GPR153: variants seen among roughly 807,000 people sequenced by gnomAD.
The protein encoded by GPR153 is G protein-coupled receptor 153.
Under a neutral mutation model 34.1 loss-of-function variants are expected in GPR153, and 27 were observed. The ratio of observed to expected loss-of-function variants is 0.79; its 90% CI spans 0.58 to 1.09. GPR153 has a LOEUF of 1.09. GPR153 is among the 50% of genes least tolerant of loss of function. GPR153 has a pLI of 0.00. For synonymous variants in GPR153, 408 were observed against 405.4 expected (o/e 1.01, Z -0.08); for missense variants, 848 against 860.2 (o/e 0.99, Z 0.18).
At chr1:6,259,330 C>T (rs1236923502) in intron 1 of GPR153, among the ~76,000 whole-genome samples, 1 of 152,154 alleles carries the variant, frequency 6.6e-6, no homozygotes, top group Non-Finnish European at 1.5e-5. Flanking sequence ...CATGCTCCTC[C>T]AGTGAGTGCC....
chr1:6,255,573 C>T (rs1399300667), intron 1 of GPR153, among the ~76,000 whole-genome samples: 1 of 148,218 alleles, frequency 6.7e-6, no homozygotes, highest in African/African-American at 2.5e-5. Flanking sequence ...CTCCTGGGCT[C>T]AAGGGATCCT....
chr1:6,254,458 G>A, intron 2 of GPR153, 92 bp downstream of exon 2: 1 of 1,172,006 alleles, frequency 8.5e-7, no homozygotes, highest in Non-Finnish European at 1.2e-6. Flanking sequence ...CCACAGGTGT[G>A]GCCACTCCTG....
intron 2 of GPR153, 114 bp downstream of exon 2, chr1:6,254,436 C>T: frequency 9.9e-7 from 1 of 1,009,216 alleles, no homozygotes; most frequent in Non-Finnish European, 1.5e-6. Context: ...GCCTGCCTGC[C>T]CTCCCAGCAT....
In GPR153 at chr1:6,249,969, G is replaced by A. The variant is rs1399772150; in HGVS notation, c.1199C>T (p.Ala400Val). Residue 400 changes from alanine to valine, a missense_variant, in exon 6 of 6, where the codon GCG becomes GTG. Ala to Val is a moderately conservative substitution (Grantham distance 64). Transcript: ENST00000377893. The surrounding 1 kb of genome is among the most constrained non-coding windows in gnomAD (Gnocchi z 4.3). ...PPTRRFSHDD[A>V]DVWAAVPLPA... The stretch of plus-strand genomic sequence containing the variant: ...CAGCGGGACGGCGGCCCACACGTCC[G>A]CATCGTCGTGGGAGAAGCGCCGCGT... The A allele has an allele frequency of 1.6e-5, 21 of 1,278,326 alleles. No individual in the cohort carries two copies. Among genetic ancestry groups the A allele is most frequent in the Middle Eastern group, 3.0e-4 (1 of 3,322 alleles). 79.2% of individuals were successfully genotyped at this position (1,278,326 alleles called of 1,614,324 possible).
chr1:6,249,176 C>T lies in GPR153; in HGVS notation c.*162G>A, dbSNP rs1638371359. 1 of 509,406 alleles carries T rather than the reference C, an allele frequency of 2.0e-6. No homozygotes were observed. The highest frequency in any genetic ancestry group is 3.6e-5 in the East Asian group (1 of 27,536). The allele number at this position is 509,406 out of a possible 1,614,324, so 31.6% of individuals were successfully genotyped here. A position where few individuals can be genotyped will look rare whatever the true frequency, so the allele number is the denominator to read the frequency against. ...GGCAGCCGTCGCCCCTGGGACAAGG[C>T]CAGCTGGGAGGAGCCGGAAGACAAA... On this transcript the variant is annotated 3_prime_UTR_variant, in exon 6 of 6. Transcript: ENST00000377893. This position sits in a 1 kb window ranked among gnomAD's most constrained non-coding sequence, Gnocchi z 4.3.
chr1:6,253,093 C>CA (rs1315442340), intron 3 of GPR153, among the ~76,000 whole-genome samples: 2 of 152,194 alleles, frequency 1.3e-5, no homozygotes, highest in Non-Finnish European at 2.9e-5. Flanking sequence ...CCTACCTCTG[C>CA]ATCAAACGGC....
At position 6,254,601 on chromosome 1, in the gene GPR153, G is replaced by A. The variant is rs904330254; in HGVS notation, c.305C>T (p.Thr102Ile). 6.2e-7 allele frequency: 1 copy of A among 1,605,878 alleles called. No homozygotes were observed. The highest frequency in any genetic ancestry group is 8.5e-7 in the Non-Finnish European group (1 of 1,175,362). The change falls in exon 2 of 6, where the codon ACC becomes ATC. Residue 102 changes from threonine (T) to isoleucine (I), a missense_variant. Thr to Ile is a moderately conservative substitution (Grantham distance 89, BLOSUM62 -1). Coordinates refer to ENST00000377893, the MANE Select transcript of GPR153 (RefSeq NM_207370.4). ...CCACATGCGGTGGTAGGAGAGGGAG[G>A]TGACAGAGAAACAGGTGGCCAGGGT... is the stretch of plus-strand genomic sequence containing the variant. ...TLTLATCFSV[T>I]SLSYHRMWMV...
chr1:6,260,705 G>C (rs1467890832), intron 1 of GPR153, 120 bp downstream of exon 1: 1 of 151,962 alleles, frequency 6.6e-6, no homozygotes, highest in South Asian at 2.1e-4. Flanking sequence ...AGCGCCGCTC[G>C]TGGGCCCTCG....
In GPR153 at chr1:6,250,458, GTCC is replaced by G; in HGVS notation, c.1143_1145del (p.Glu381del). On this transcript the variant is annotated inframe_deletion, in exon 5 of 6. Coordinates refer to ENST00000377893, the MANE Select transcript of GPR153 (RefSeq NM_207370.4). ...CGCTCACCTGCAGGTATTGCATCTTGTCCTCCTGCAAGGGCCGCAGTGGGTAGA... is the reference window on the plus strand; with the variant it reads ...CGCTCACCTGCAGGTATTGCATCTTGTCCTGCAAGGGCCGCAGTGGGTAGA... 3 of 1,604,500 alleles carry G rather than the reference GTCC, an allele frequency of 1.9e-6. No homozygotes were observed. Among genetic ancestry groups the G allele is most frequent in the East Asian group, 2.2e-5 (1 of 44,564 alleles).
In GPR153 at chr1:6,248,436, G is replaced by A. The variant is rs1412437114; in HGVS notation, c.*902C>T. The A allele has an allele frequency of 6.6e-6, 1 of 152,352 alleles. No individual in the cohort carries two copies. Among genetic ancestry groups the A allele is most frequent in the Non-Finnish European group, 1.5e-5 (1 of 68,120 alleles). 9.4% of individuals were successfully genotyped at this position (152,352 alleles called of 1,614,324 possible). On this transcript the variant is annotated 3_prime_UTR_variant, in exon 6 of 6. Transcript: ENST00000377893. ...CGTCATGGTGGGAGCCATGGAGGGA[G>A]ATGATGTGGTGGGGACAGGCAACGA...
Position 6,250,628 on chromosome 1 carries a change from TAGGGTGG to T in GPR153, c.980-11_980-5del. The stretch of plus-strand genomic sequence containing the variant: ...ATGCCACCTTCCAGGCTGGTCTCTG[TAGGGTGG>T]GGGGTGGGTGGGGGGGCAGAGCCTT... On this transcript the variant is annotated splice_region_variant and splice_polypyrimidine_tract_variant and intron_variant, in intron 4 of 5. Coordinates refer to ENST00000377893, the MANE Select transcript of GPR153 (RefSeq NM_207370.4). The T allele has an allele frequency of 5.7e-6, 1 of 174,454 alleles. No individual in the cohort carries two copies. 10.8% of individuals were successfully genotyped at this position (174,454 alleles called of 1,614,324 possible).
intron 3 of GPR153, among the ~76,000 whole-genome samples, chr1:6,252,787 G>T (rs1638476689): frequency 6.6e-6 from 1 of 152,174 alleles, no homozygotes. Context: ...GGCAGGGGTT[G>T]GCTACTGAGT....
intron 3 of GPR153, among the ~76,000 whole-genome samples, chr1:6,252,005 G>C (rs528089110): frequency 6.6e-6 from 1 of 152,272 alleles, no homozygotes; most frequent in Non-Finnish European, 1.5e-5. Flanking sequence ...TAGAGAACCA[G>C]GTCTCAAGCC....
chr1:6,254,852 C>T lies in GPR153; in HGVS notation c.54G>A (p.Gly18=), dbSNP rs539615555. 4 of 1,604,684 alleles carry T rather than the reference C, an allele frequency of 2.5e-6. No homozygotes were observed. Among genetic ancestry groups the T allele is most frequent in the Non-Finnish European group, 3.4e-6 (4 of 1,175,628 alleles). The change falls in exon 2 of 6, where the codon GGG becomes GGA. Residue 18 remains glycine, a synonymous_variant. Transcript: ENST00000377893. The part of the protein sequence containing the change: ...PGSAVGWLVC[G]GLSLLANAWG... ...AGGCATTGGCCAGCAGGGAGAGGCCCCCACATACCAGCCAGCCCACTGCAC... is the reference window on the plus strand; with the variant it reads ...AGGCATTGGCCAGCAGGGAGAGGCCTCCACATACCAGCCAGCCCACTGCAC...
At position 6,249,738 on chromosome 1, in the gene GPR153, T is replaced by TCGCGGGCTCCC. The variant is rs1553152185; in HGVS notation, c.1419_1429dup (p.Asp477GlyfsTer33). The TCGCGGGCTCCC allele has an allele frequency of 1.9e-6, 2 of 1,067,512 alleles. No homozygotes were observed. Among genetic ancestry groups the TCGCGGGCTCCC allele is most frequent in the African/African-American group, 1.7e-5 (1 of 58,074 alleles). The allele number at this position is 1,067,512 out of a possible 1,614,324, so 66.1% of individuals were successfully genotyped here. The stretch of plus-strand genomic sequence containing the variant: ...GCGGCGCGGGCTGCCGGGGGGCGAG[T>TCGCGGGCTCCC]CGCGGGCTCCCCGCGGGCCGCTATC... On this transcript the variant is annotated frameshift_variant, in exon 6 of 6. Coordinates refer to ENST00000377893, the MANE Select transcript of GPR153 (RefSeq NM_207370.4). LOFTEE classifies it low-confidence loss of function (END_TRUNC). The surrounding 1 kb of genome is among the most constrained non-coding windows in gnomAD (Gnocchi z 4.3).
chr1:6,260,422 C>T (rs1638649698), intron 1 of GPR153, among the ~76,000 whole-genome samples: 1 of 150,264 alleles, frequency 6.7e-6, no homozygotes, highest in African/African-American at 2.5e-5. Flanking sequence ...GTGCTCTCGC[C>T]TGCTGGTCCC....
intron 2 of GPR153, 76 bp downstream of exon 2, chr1:6,254,474 G>C: frequency 7.7e-7 from 1 of 1,294,844 alleles, no homozygotes; most frequent in Non-Finnish European, 1.1e-6. Context: ...TCCTGTGTGC[G>C]CATGGGCACA....
chr1:6,260,461 C>T (rs986051608), intron 1 of GPR153, among the ~76,000 whole-genome samples: 6 of 151,826 alleles, frequency 4.0e-5, no homozygotes, highest in African/African-American at 1.4e-4. Flanking sequence ...CTGCCCCACC[C>T]CGAGGGCGCG....
rs113776765 is a variant in GPR153 at position 6,261,096 on chromosome 1, G to A, written c.-381C>T. ...CGCCGCTCCGCTGCTGCGCCGGGCGGCCGGGGGCGGGGGGCGGAGCAGGGC... is the reference window on the plus strand; with the variant it reads ...CGCCGCTCCGCTGCTGCGCCGGGCGACCGGGGGCGGGGGGCGGAGCAGGGC... On this transcript the variant is annotated 5_prime_UTR_variant, in exon 1 of 6. Coordinates refer to ENST00000377893, the MANE Select transcript of GPR153 (RefSeq NM_207370.4). 0.55 allele frequency: 82,447 copies of A among 149,372 alleles called. 25,636 individuals carry two copies. Among genetic ancestry groups the A allele is most frequent in the Admixed American group, 0.69 (10,406 of 15,028 alleles). The allele number at this position is 149,372 out of a possible 1,614,324, so 9.3% of individuals were successfully genotyped here.
Sources: allele counts gnomAD v4.1 joint callset (sites outside exome capture counted in the v4.1 genomes callset), GRCh38; gene constraint gnomAD v4.1.1; non-coding constraint Gnocchi (gnomAD v3.1); transcripts MANE v1.5; gene names NCBI Gene and HGNC (gene_info 2026-07-23, HGNC 2026-07-21).